MMP20: variants seen among roughly 807,000 people sequenced by gnomAD.
MMP20 encodes the protein matrix metallopeptidase 20.
A neutral mutation model predicts 51.8 loss-of-function variants in MMP20; 50 were observed. That is an observed-to-expected ratio of 0.97 (90% CI 0.77 to 1.22). The LOEUF (loss-of-function observed/expected upper bound fraction) is 1.22, where lower values mean the gene tolerates loss of function less well. Among genes scored for constraint, MMP20 ranks in the 50% most tolerant of loss-of-function variants. The pLI is 0.00. For missense variants in MMP20, 663 were observed against 601.4 expected (o/e 1.10, Z -1.07); for synonymous variants, 244 against 216.2 (o/e 1.13, Z -1.13).
intron 8 of MMP20, among the ~76,000 whole-genome samples, chr11:102,590,470 C>G (rs986134613): frequency 6.6e-6 from 1 of 152,200 alleles, no homozygotes; most frequent in Non-Finnish European, 1.5e-5. Context: ...CTAATCCAAC[C>G]TGGCCCCAAG....
At chr11:102,596,798 G>A (rs1324017832) in intron 6 of MMP20, among the ~76,000 whole-genome samples, 3 of 152,108 alleles carry the variant, frequency 2.0e-5, no homozygotes, top group Admixed American at 6.5e-5. Flanking sequence ...TTTTTTCTTT[G>A]TTTGTACTTT....
intron 8 of MMP20, among the ~76,000 whole-genome samples, chr11:102,588,523 AT>A (rs1859279295): frequency 6.6e-6 from 1 of 152,156 alleles, no homozygotes; most frequent in Non-Finnish European, 1.5e-5. Flanking sequence ...TCATATTATT[AT>A]TGACAAGTAT....
In MMP20 at chr11:102,578,790, C is replaced by CAA. The variant is rs750408261; in HGVS notation, c.1351+248_1351+249insTT. Among the ~76,000 whole-genome samples the CAA allele has an allele frequency of 2.9e-3, 343 of 116,974 alleles. 5 individuals are homozygous for CAA. The highest frequency in any genetic ancestry group is 0.012 in the African/African-American group (313 of 26,380). 76.7% of individuals were successfully genotyped at this position (116,974 alleles called of 152,430 possible). On this transcript the variant is annotated intron_variant, in intron 9 of 9. Coordinates refer to ENST00000260228, the MANE Select transcript of MMP20 (RefSeq NM_004771.4). Reference sequence around the variant, plus strand: ...AAAAACAAAAAACAAAACACACACACACAAAAACAAAAACAAACAAACAAA... The same window carrying CAA: ...AAAAACAAAAAACAAAACACACACACAAACAAAAACAAAAACAAACAAACAAA...
chr11:102,577,130 AC>A lies in MMP20; in HGVS notation c.*195del. The A allele has an allele frequency of 1.8e-6, 1 of 565,528 alleles. No individual in the cohort carries two copies. The highest frequency in any genetic ancestry group is 3.2e-6 in the Non-Finnish European group (1 of 316,900). 35.0% of individuals were successfully genotyped at this position (565,528 alleles called of 1,614,324 possible). A position where few individuals can be genotyped will look rare whatever the true frequency, so the allele number is the denominator to read the frequency against. On this transcript the variant is annotated 3_prime_UTR_variant, in exon 10 of 10. Coordinates refer to ENST00000260228, the MANE Select transcript of MMP20 (RefSeq NM_004771.4). ...TTCGCATAAAGTTGCCCATATAAAA[AC>A]TTTTCTAATGTGGATTGAAATTCTG...
intron 8 of MMP20, among the ~76,000 whole-genome samples, chr11:102,583,994 T>C (rs547371507): frequency 2.7e-4 from 41 of 152,346 alleles, no homozygotes; most frequent in African/African-American, 9.4e-4. Flanking sequence ...TATTCCATTG[T>C]ATGAATTTAT....
chr11:102,611,625 T>A, intron 3 of MMP20, 130 bp downstream of exon 3: 1 of 1,111,300 alleles, frequency 9.0e-7, no homozygotes, highest in Non-Finnish European at 1.3e-6. Context: ...TTTGCCATGG[T>A]CTTGGCCTTG....
rs1859730585 is a variant in MMP20 at position 102,620,094 on chromosome 11, A to T, written c.127-3035T>A. 2.0e-5 allele frequency among the ~76,000 whole-genome samples: 3 copies of T among 152,068 alleles called. No homozygotes were observed. The South Asian group carries it at 6.2e-4, about 32-fold the overall frequency. ...TTCCTACCAATTTCTTATCACTCTC[A>T]CCTGCTTGTTTGCAACCTCCTTCCA... is the stretch of plus-strand genomic sequence containing the variant. On this transcript the variant is annotated intron_variant, in intron 1 of 9. Coordinates refer to ENST00000260228, the MANE Select transcript of MMP20 (RefSeq NM_004771.4).
rs36075826 is a variant in MMP20, at chr11:102,581,177, CCACACA to C, written c.1248-2041_1248-2036del. Reference sequence around the variant, plus strand: ...ACACACACACATGCACACGCACACACCACACACACACACACACACACACCTGGCACA... The same window carrying C: ...ACACACACACATGCACACGCACACACCACACACACACACACACCTGGCACA... On this transcript the variant is annotated intron_variant, in intron 8 of 9. Coordinates refer to ENST00000260228, the MANE Select transcript of MMP20 (RefSeq NM_004771.4). Among the ~76,000 whole-genome samples the C allele has an allele frequency of 1.0e-4, 15 of 149,232 alleles. 1 individual carries two copies. Among genetic ancestry groups the C allele is most frequent in the Middle Eastern group, 6.9e-3 (2 of 290 alleles).
chr11:102,585,221 T>A lies in MMP20; in HGVS notation c.1248-6079A>T, dbSNP rs796745722. Among the ~76,000 whole-genome samples, 9 of 152,302 alleles carry A rather than the reference T, an allele frequency of 5.9e-5. No homozygotes were observed. In the South Asian group the frequency reaches 1.9e-3, roughly 32 times the overall value. ...GGGGACTACTATCATCTTAAAAATA[T>A]CCTCATCCATGAACATGAGATATCA... On this transcript the variant is annotated intron_variant, in intron 8 of 9. Coordinates refer to ENST00000260228, the MANE Select transcript of MMP20 (RefSeq NM_004771.4).
intron 8 of MMP20, among the ~76,000 whole-genome samples, chr11:102,589,059 A>G (rs1215376793): frequency 6.6e-6 from 1 of 152,174 alleles, no homozygotes; most frequent in African/African-American, 2.4e-5. Context: ...TCTTCTCTGC[A>G]GAATAAACAC....
intron 8 of MMP20, among the ~76,000 whole-genome samples, chr11:102,580,726 A>G (rs1859182757): frequency 6.6e-6 from 1 of 152,224 alleles, no homozygotes; most frequent in African/African-American, 2.4e-5. Flanking sequence ...CTAAGTAAGA[A>G]CATTACCATT....
intron 7 of MMP20, 102 bp downstream of exon 7, chr11:102,594,519 G>A (rs1011348340): frequency 2.7e-6 from 4 of 1,459,302 alleles, no homozygotes; most frequent in Non-Finnish European, 3.8e-6. Context: ...CAACTGAAAT[G>A]TGCTCCATGA....
intron 6 of MMP20, among the ~76,000 whole-genome samples, chr11:102,596,405 A>G (rs1859381121): frequency 6.6e-6 from 1 of 152,224 alleles, no homozygotes; most frequent in Admixed American, 6.5e-5. Flanking sequence ...CAGTTTAATC[A>G]GCTTACATGG....
intron 1 of MMP20, among the ~76,000 whole-genome samples, chr11:102,617,693 T>C (rs1859692524): frequency 6.6e-6 from 1 of 152,226 alleles, no homozygotes; most frequent in Non-Finnish European, 1.5e-5. Context: ...GCTCTTTGTC[T>C]CTTGAAGCAA....
At chr11:102,592,885 CT>C (rs1325192783) in intron 8 of MMP20, among the ~76,000 whole-genome samples, 6 of 152,350 alleles carry the variant, frequency 3.9e-5, no homozygotes, top group African/African-American at 1.4e-4. Flanking sequence ...CTGATTCAGA[CT>C]TGCTCATACG....
intron 8 of MMP20, among the ~76,000 whole-genome samples, chr11:102,584,032 G>T (rs575860394): frequency 6.6e-6 from 1 of 152,128 alleles, no homozygotes; most frequent in Non-Finnish European, 1.5e-5. Context: ...TTCAACACTT[G>T]ATGGAGATTT....
chr11:102,604,416 A>G (rs536727978), intron 6 of MMP20, among the ~76,000 whole-genome samples: 1 of 152,224 alleles, frequency 6.6e-6, no homozygotes, highest in African/African-American at 2.4e-5. Flanking sequence ...AATTAATAAC[A>G]CAAAAGAATA....
Position 102,611,819 on chromosome 11 carries a change from G to C in MMP20, c.459C>G (p.Val153=). 1 of 1,614,246 alleles carries C rather than the reference G, an allele frequency of 6.2e-7. No individual in the cohort carries two copies. The highest frequency in any genetic ancestry group is 8.5e-7 in the Non-Finnish European group (1 of 1,180,040). The stretch of plus-strand genomic sequence containing the variant: ...AGTTTATTCTGACAAAGCTCAGAGG[G>C]ACGGCGCTACTCCAGGCCTGCAAGG... The part of the protein sequence containing the change: ...EMALQAWSSA[V]PLSFVRINSG... Residue 153 remains valine (V), a synonymous_variant, in exon 3 of 10, where the codon GTC becomes GTG. Transcript: ENST00000260228.
chr11:102,609,236 A>G lies in MMP20; in HGVS notation c.650-138T>C, dbSNP rs757895890. 77 of 839,734 alleles carry G rather than the reference A, an allele frequency of 9.2e-5. No individual in the cohort carries two copies. In the Middle Eastern group the frequency reaches 2.8e-3, roughly 31 times the overall value. The allele number at this position is 839,734 out of a possible 1,614,324, so 52.0% of individuals were successfully genotyped here. On this transcript the variant is annotated intron_variant, in intron 4 of 9. Transcript: ENST00000260228. Reference sequence around the variant, plus strand: ...CTAACTGGATTATTCAAAGGTTGGTAGGTTATTCTGGCACTTAGCTTTGGT... The same window carrying G: ...CTAACTGGATTATTCAAAGGTTGGTGGGTTATTCTGGCACTTAGCTTTGGT...
Sources: gnomAD v4.1 joint callset for allele counts (sites outside exome capture counted in the v4.1 genomes callset) on GRCh38, gnomAD v4.1.1 for gene constraint, MANE v1.5 for transcripts, NCBI Gene and HGNC (gene_info 2026-07-23, HGNC 2026-07-21) for gene names.